Variants in PCDHA8 observed in about 807,000 individuals in gnomAD.
PCDHA8 encodes the protein protocadherin alpha-8.
A neutral mutation model predicts 61.8 loss-of-function variants in PCDHA8; 53 were observed. The observed-to-expected ratio is 0.86, with a 90% CI of 0.69 to 1.08. The LOEUF is 1.08. Ranked by LOEUF, PCDHA8 falls within the 50% of genes least tolerant of loss-of-function variation. The pLI, the probability that PCDHA8 is intolerant of heterozygous loss-of-function variation, is 0.00. For missense variants in PCDHA8, 1,293 were observed against 1,245.0 expected (o/e 1.04, Z -0.58); for synonymous variants, 618 against 556.6 (o/e 1.11, Z -1.55).
At chr5:140,885,864 GA>G (rs1267536827) in intron 1 of PCDHA8, among the ~76,000 whole-genome samples, 5 of 151,842 alleles carry the variant, frequency 3.3e-5, no homozygotes, top group African/African-American at 4.8e-5. Context: ...CTTTTCTATT[GA>G]AAAAAAATTT....
At chr5:140,918,766 C>T (rs1387250517) in intron 1 of PCDHA8, among the ~76,000 whole-genome samples, 2 of 152,170 alleles carry the variant, frequency 1.3e-5, no homozygotes, top group Non-Finnish European at 2.9e-5. Flanking sequence ...GGTGCCTTGC[C>T]TCTTTCACCA....
At chr5:140,952,993 C>G (rs1273513255) in intron 1 of PCDHA8, among the ~76,000 whole-genome samples, 1 of 152,106 alleles carries the variant, frequency 6.6e-6, no homozygotes, top group Non-Finnish European at 1.5e-5. Flanking sequence ...CTCATGAGAA[C>G]TCTCTCACTA....
chr5:140,888,606 G>A (rs2061900283), intron 1 of PCDHA8, among the ~76,000 whole-genome samples: 2 of 152,180 alleles, frequency 1.3e-5, no homozygotes, highest in African/African-American at 4.8e-5. Context: ...GCAGCTTTTA[G>A]TGTAGCACTA....
chr5:140,977,890 A>C (rs1554238866), intron 1 of PCDHA8, among the ~76,000 whole-genome samples: 3 of 152,234 alleles, frequency 2.0e-5, no homozygotes, highest in Non-Finnish European at 4.4e-5. Flanking sequence ...AGGAAAATAC[A>C]AAATACAACT....
rs190126464 is a variant in PCDHA8 at position 140,851,666 on chromosome 5, T to C, written c.2394+7951T>C. On this transcript the variant is annotated intron_variant, in intron 1 of 3. Coordinates refer to ENST00000531613, the MANE Select transcript of PCDHA8 (RefSeq NM_018911.3). The stretch of plus-strand genomic sequence containing the variant: ...CTTCAAGAAGACATTCTCCTTTTAA[T>C]TGAAATTTTCTCCATTCAGTGATAA... 22 of 916,122 alleles carry C rather than the reference T, an allele frequency of 2.4e-5. 1 individual carries two copies. The East Asian group carries it at 1.7e-3, about 72-fold the overall frequency. 56.7% of individuals were successfully genotyped at this position (916,122 alleles called of 1,614,324 possible).
chr5:140,942,108 A>C (rs2093230471), intron 1 of PCDHA8, among the ~76,000 whole-genome samples: 1 of 152,238 alleles, frequency 6.6e-6, no homozygotes. Context: ...TCATATAATC[A>C]AACTTTATTA....
At chr5:140,905,928 A>G (rs2072211023) in intron 1 of PCDHA8, among the ~76,000 whole-genome samples, 1 of 152,238 alleles carries the variant, frequency 6.6e-6, no homozygotes, top group Admixed American at 6.5e-5. Context: ...TGAGTCCCAA[A>G]GCTGAAGAAC....
At chr5:140,865,051 T>A (rs1228832316) in intron 1 of PCDHA8, 1 of 151,882 alleles carries the variant, frequency 6.6e-6, no homozygotes, top group Admixed American at 6.6e-5. Flanking sequence ...AATGTCATTG[T>A]TTTTAATAAC....
rs1344675374 is a variant in PCDHA8 at position 140,952,992 on chromosome 5, ACT to A, written c.2395-25951_2395-25950del. Among the ~76,000 whole-genome samples, 6 of 151,892 alleles carry A rather than the reference ACT, an allele frequency of 4.0e-5. No individual in the cohort carries two copies. In the East Asian group the frequency reaches 7.7e-4, roughly 20 times the overall value. On this transcript the variant is annotated intron_variant, in intron 1 of 3. Transcript: ENST00000531613. ...TTTTAAACAACAAGATCTCATGAGAACTCTCTCACTATTATGAGAACAACATT... is the reference window on the plus strand; with the variant it reads ...TTTTAAACAACAAGATCTCATGAGAACTCTCACTATTATGAGAACAACATT...
chr5:140,938,477 A>T (rs2092083791), intron 1 of PCDHA8, among the ~76,000 whole-genome samples: 1 of 152,178 alleles, frequency 6.6e-6, no homozygotes, highest in Non-Finnish European at 1.5e-5. Flanking sequence ...TATGTTTTTT[A>T]AAAATCATGA....
chr5:140,851,458 A>G lies in PCDHA8; in HGVS notation c.2394+7743A>G, dbSNP rs543530634. 8 of 902,168 alleles carry G rather than the reference A, an allele frequency of 8.9e-6. 1 individual carries two copies. The African/African-American group carries it at 1.4e-4, about 16-fold the overall frequency. 55.9% of individuals were successfully genotyped at this position (902,168 alleles called of 1,614,324 possible). ...ACAGTTGCTCCACTTTAGGAATCAA[A>G]TTATGTCAATAAATGTTATAAACAC... On this transcript the variant is annotated intron_variant, in intron 1 of 3. Coordinates refer to ENST00000531613, the MANE Select transcript of PCDHA8 (RefSeq NM_018911.3).
intron 1 of PCDHA8, chr5:140,858,192 T>A: frequency 6.3e-7 from 1 of 1,597,272 alleles, no homozygotes; most frequent in Non-Finnish European, 8.6e-7. Context: ...ACGCTGCTGC[T>A]GTACACTGCA....
intron 1 of PCDHA8, among the ~76,000 whole-genome samples, chr5:140,897,765 C>T (rs1305140331): frequency 6.6e-6 from 1 of 152,216 alleles, no homozygotes; most frequent in Admixed American, 6.5e-5. Flanking sequence ...AATCGCCACA[C>T]TGACTTCCAC....
rs2098419648 is a variant in PCDHA8 at position 141,011,160 on chromosome 5, A to AT, written c.*1224dup. The AT allele has an allele frequency of 6.5e-6, 1 of 153,706 alleles. No homozygotes were observed. The highest frequency in any genetic ancestry group is 2.4e-5 in the African/African-American group (1 of 41,436). 9.5% of individuals were successfully genotyped at this position (153,706 alleles called of 1,614,324 possible). A position where few individuals can be genotyped will look rare whatever the true frequency, so the allele number is the denominator to read the frequency against. ...TACACAACCTTCTCTAACCAACTAT[A>AT]TATCAAGACCCAAAAATTGAAGAAA... On this transcript the variant is annotated 3_prime_UTR_variant, in exon 4 of 4. Coordinates refer to ENST00000531613, the MANE Select transcript of PCDHA8 (RefSeq NM_018911.3).
At chr5:140,916,163 C>G (rs546851152) in intron 1 of PCDHA8, among the ~76,000 whole-genome samples, 1 of 152,066 alleles carries the variant, frequency 6.6e-6, no homozygotes, top group African/African-American at 2.4e-5. Context: ...TGAATGCTGC[C>G]AGGCCTGGGA....
intron 1 of PCDHA8, chr5:140,883,300 T>C (rs782541976): frequency 6.2e-7 from 1 of 1,613,974 alleles, no homozygotes; most frequent in African/African-American, 1.3e-5. Flanking sequence ...TAGATGTAAA[T>C]GATAACGCCC....
rs373601874 is a variant in PCDHA8, at chr5:140,873,473, C to T, written c.2394+29758C>T. ...TTTGCATTTTAGATAATTCAAATTACTTGGACTGATTTCTGCAAAGTTGTG... is the reference window on the plus strand; with the variant it reads ...TTTGCATTTTAGATAATTCAAATTATTTGGACTGATTTCTGCAAAGTTGTG... On this transcript the variant is annotated intron_variant, in intron 1 of 3. Transcript: ENST00000531613. Among the ~76,000 whole-genome samples the T allele has an allele frequency of 1.5e-4, 23 of 152,180 alleles. No homozygotes were observed. The East Asian group carries it at 2.3e-3, about 15-fold the overall frequency.
chr5:140,928,043 C>G (rs1554205400), intron 1 of PCDHA8: 2 of 1,614,192 alleles, frequency 1.2e-6, no homozygotes, highest in Non-Finnish European at 1.7e-6. Context: ...AGTGCAGGCC[C>G]TTTTCAGCTG....
chr5:140,862,911 G>A (rs781861917), intron 1 of PCDHA8: 3 of 549,326 alleles, frequency 5.5e-6, no homozygotes, highest in Admixed American at 3.9e-5. Context: ...CGCTGCTGGC[G>A]CCTTGGGTGG....
Sources: allele counts gnomAD v4.1 joint callset (sites outside exome capture counted in the v4.1 genomes callset), GRCh38; gene constraint gnomAD v4.1.1; transcripts MANE v1.5; gene names NCBI Gene and HGNC (gene_info 2026-07-23, HGNC 2026-07-21).